Variants in TANC2 observed in about 807,000 individuals in gnomAD.
TANC2 encodes tetratricopeptide repeat, ankyrin repeat and coiled-coil containing 2.
In TANC2, 26 loss-of-function variants were observed where a neutral mutation model predicts 210.5. That is an observed-to-expected ratio of 0.12 (90% CI 0.09 to 0.17). The LOEUF (loss-of-function observed/expected upper bound fraction) is 0.17. Ranked by LOEUF, TANC2 falls within the 10% of genes least tolerant of loss-of-function variation. The probability of loss-of-function intolerance (pLI) is 1.00; values close to 1 mark genes in which losing one functional copy is unlikely to be tolerated. For synonymous variants in TANC2, 931 were observed against 967.1 expected (o/e 0.96, Z 0.69); for missense variants, 2,129 against 2,608.9 (o/e 0.82, Z 4.01).
chr17:63,388,343 T>A (rs991151255), intron 15 of TANC2, among the ~76,000 whole-genome samples: 12 of 152,192 alleles, frequency 7.9e-5, no homozygotes, highest in Non-Finnish European at 1.6e-4. Context: ...AAGAGATTTA[T>A]TGAAGAAGGC....
chr17:63,120,485 T>C (rs1004564309), intron 4 of TANC2, among the ~76,000 whole-genome samples: 8 of 152,126 alleles, frequency 5.3e-5, no homozygotes, highest in African/African-American at 1.7e-4. Flanking sequence ...TCAAACTAGT[T>C]TGACAACTTC....
intron 9 of TANC2, among the ~76,000 whole-genome samples, chr17:63,271,159 A>G (rs2043690871): frequency 6.6e-6 from 1 of 152,072 alleles, no homozygotes; most frequent in Admixed American, 6.5e-5. Flanking sequence ...ATAACAATTT[A>G]TATTCCTTCG....
intron 15 of TANC2, chr17:63,387,876 A>C (rs1178447770): frequency 6.6e-6 from 1 of 152,236 alleles, no homozygotes; most frequent in East Asian, 1.9e-4. Flanking sequence ...TTTTTTCCTG[A>C]GGATAAGCAT....
chr17:63,033,412 A>C (rs2034851426), intron 2 of TANC2, among the ~76,000 whole-genome samples: 1 of 152,150 alleles, frequency 6.6e-6, no homozygotes, highest in Admixed American at 6.6e-5. Context: ...AGACACTCTT[A>C]TCTCTCCTGG....
At chr17:63,169,180 C>T (rs1432773091) in intron 5 of TANC2, among the ~76,000 whole-genome samples, 1 of 152,204 alleles carries the variant, frequency 6.6e-6, no homozygotes, top group African/African-American at 2.4e-5. Context: ...CCCTTTTACA[C>T]CTTATTTTTA....
At chr17:63,107,366 ATAT>A (rs2037866370) in intron 4 of TANC2, among the ~76,000 whole-genome samples, 1 of 151,778 alleles carries the variant, frequency 6.6e-6, no homozygotes, top group South Asian at 2.1e-4. Context: ...ATTTGCAATA[ATAT>A]TAAACACAAA....
intron 14 of TANC2, among the ~76,000 whole-genome samples, chr17:63,366,726 T>TA (rs2146984474): frequency 6.6e-6 from 1 of 152,308 alleles, no homozygotes; most frequent in Non-Finnish European, 1.5e-5. Context: ...TGGTCATACT[T>TA]ACAGTTTACT....
chr17:62,977,619 C>T (rs753038422), intron 1 of TANC2, among the ~76,000 whole-genome samples: 59 of 151,734 alleles, frequency 3.9e-4, no homozygotes, highest in Non-Finnish European at 1.3e-4. Flanking sequence ...TCTCCCCTAT[C>T]CCCTAACATT....
chr17:63,107,055 T>C (rs1244031735), intron 4 of TANC2, among the ~76,000 whole-genome samples: 2 of 151,660 alleles, frequency 1.3e-5, no homozygotes, highest in Non-Finnish European at 2.9e-5. Context: ...TCATTGATAC[T>C]TTTAAGATGA....
At chr17:63,287,330 T>G (rs1351318649) in intron 9 of TANC2, among the ~76,000 whole-genome samples, 1 of 152,222 alleles carries the variant, frequency 6.6e-6, no homozygotes, top group East Asian at 1.9e-4. Context: ...AGTAATAATC[T>G]GTTTTAAGAT....
intron 1 of TANC2, among the ~76,000 whole-genome samples, chr17:62,991,699 T>C (rs1267365818): frequency 1.3e-5 from 2 of 151,352 alleles, no homozygotes; most frequent in Non-Finnish European, 2.9e-5. Flanking sequence ...CAAATAAATA[T>C]AGTATAAGTA....
intron 9 of TANC2, among the ~76,000 whole-genome samples, chr17:63,304,643 G>A (rs1391135019): frequency 1.3e-5 from 2 of 152,138 alleles, no homozygotes; most frequent in Non-Finnish European, 2.9e-5. Flanking sequence ...TGGGTAGGGG[G>A]CCTTGTCTGG....
rs2045258468 is a variant in TANC2, at chr17:63,314,721, CTGACA to C, written c.1441+54_1441+58del. The C allele has an allele frequency of 1.9e-6, 3 of 1,586,514 alleles. No homozygotes were observed. The Admixed American group carries it at 5.2e-5, about 28-fold the overall frequency. The stretch of plus-strand genomic sequence containing the variant: ...CTGTTTCATTGGCGCTGAAGTTTTT[CTGACA>C]TATTTATATTAGGTCGTATATCCTT... On this transcript the variant is annotated intron_variant, in intron 10 of 27. Coordinates refer to ENST00000689528, the Ensembl canonical transcript of TANC2.
At chr17:63,264,256 A>C (rs768983834) in intron 8 of TANC2, among the ~76,000 whole-genome samples, 3 of 152,198 alleles carry the variant, frequency 2.0e-5, no homozygotes, top group Non-Finnish European at 4.4e-5. Context: ...AAGGGCAGGG[A>C]AGTGTACTCA....
chr17:63,253,107 CAT>C (rs750333641), intron 8 of TANC2, among the ~76,000 whole-genome samples: 1 of 152,192 alleles, frequency 6.6e-6, no homozygotes, highest in Non-Finnish European at 1.5e-5. Context: ...CTTTTCTCCA[CAT>C]CTTTGCCAGC....
intron 9 of TANC2, among the ~76,000 whole-genome samples, chr17:63,281,574 T>C (rs1023802374): frequency 2.7e-5 from 4 of 150,414 alleles, no homozygotes; most frequent in Admixed American, 6.6e-5. Flanking sequence ...TGAACAAAAA[T>C]CAGCATACTT....
chr17:63,094,120 C>G (rs2037301578), intron 3 of TANC2, among the ~76,000 whole-genome samples: 1 of 152,074 alleles, frequency 6.6e-6, no homozygotes, highest in African/African-American at 2.4e-5. Flanking sequence ...ACTTTGTAAC[C>G]TGTGAATTTG....
Position 63,307,284 on chromosome 17 carries a change from A to AG in TANC2, c.1160-7102dup, listed in dbSNP as rs1262070305. Reference sequence around the variant, plus strand: ...TTCCAGCCTCAGTCCGGGTAGCAATAGGAGTAGTCGATAAGAAGGACCCTT... The same window carrying AG: ...TTCCAGCCTCAGTCCGGGTAGCAATAGGGAGTAGTCGATAAGAAGGACCCTT... On this transcript the variant is annotated intron_variant, in intron 9 of 27. Coordinates refer to ENST00000689528, the Ensembl canonical transcript of TANC2. Among the ~76,000 whole-genome samples the AG allele has an allele frequency of 2.0e-5, 3 of 152,188 alleles. No homozygotes were observed. In the East Asian group the frequency reaches 5.8e-4, roughly 29 times the overall value.
chr17:63,286,751 T>C (rs2044233664), intron 9 of TANC2, among the ~76,000 whole-genome samples: 1 of 152,234 alleles, frequency 6.6e-6, no homozygotes, highest in Admixed American at 6.5e-5. Flanking sequence ...CTTGGAGTTA[T>C]CTCACAGTTC....
Sources: gnomAD v4.1 joint callset for allele counts (sites outside exome capture counted in the v4.1 genomes callset) on GRCh38, gnomAD v4.1.1 for gene constraint, MANE v1.5 for transcripts, NCBI Gene and HGNC (gene_info 2026-07-23, HGNC 2026-07-21) for gene names.